Variants in PDE3A observed in about 807,000 individuals in gnomAD.
PDE3A encodes the protein cGMP-inhibited 3',5'-cyclic phosphodiesterase 3A.
Under a neutral mutation model 98.3 loss-of-function variants are expected in PDE3A, and 43 were observed. The ratio of observed to expected loss-of-function variants is 0.44; its 90% confidence interval spans 0.34 to 0.56. The LOEUF is 0.56. Ranked by LOEUF, PDE3A falls within the 20% of genes least tolerant of loss-of-function variation. The pLI, the probability that PDE3A is intolerant of heterozygous loss-of-function variation, is 0.01. For missense variants in PDE3A, 1,427 were observed against 1,440.7 expected, an observed-to-expected ratio of 0.99 and a Z score of 0.15; for synonymous variants, 663 against 567.9, an observed-to-expected ratio of 1.17 and a Z score of -2.38.
Position 20,369,843 on chromosome 12 carries a change from T to C in PDE3A, c.559T>C (p.Ser187Pro), listed in dbSNP as rs538474248. 6.2e-7 allele frequency: 1 copy of C among 1,611,750 alleles called. No homozygotes were observed. Among genetic ancestry groups the C allele is most frequent in the East Asian group, 2.2e-5 (1 of 44,786 alleles). ...GGGCGTCGGGGAGGATCACTTACTC[T>C]CACTCCCCGCCGCGGGGGTGGTGCT... is the stretch of plus-strand genomic sequence containing the variant. Reference protein sequence around the residue: ...GLGVGEDHLLSLPAAGVVLSC... With the variant: ...GLGVGEDHLLPLPAAGVVLSC... Residue 187 changes from serine to proline, a missense_variant, in exon 1 of 16, where the codon TCA (serine) becomes CCA (proline). Transcript: ENST00000359062.
chr12:20,636,971 A>C (rs1225551839), intron 8 of PDE3A, 129 bp from the exon 9 acceptor site: 4 of 564,992 alleles, frequency 7.1e-6, no homozygotes, highest in Middle Eastern at 4.5e-4. Context: ...AGCAAAGATC[A>C]CTTATTCACC....
intron 1 of PDE3A, among the ~76,000 whole-genome samples, chr12:20,510,151 T>C (rs187275202): frequency 2.0e-5 from 3 of 152,092 alleles, no homozygotes; most frequent in Admixed American, 6.6e-5. Flanking sequence ...TATTTTCTTC[T>C]AAATTTTTTC....
chr12:20,620,275 A>G (rs1220559850), intron 4 of PDE3A, among the ~76,000 whole-genome samples: 1 of 152,014 alleles, frequency 6.6e-6, no homozygotes, highest in South Asian at 2.1e-4. Flanking sequence ...TACATTGCCA[A>G]TCTAAGATTG....
chr12:20,474,109 G>A (rs1222724172), intron 1 of PDE3A, among the ~76,000 whole-genome samples: 1 of 152,074 alleles, frequency 6.6e-6, no homozygotes, highest in African/African-American at 2.4e-5. Context: ...CGGCAGGGTG[G>A]GTGAATTCTA....
Position 20,680,062 on chromosome 12 carries a change from T to A in PDE3A, c.3217T>A (p.Cys1073Ser), listed in dbSNP as rs1945737293. ...KKTFKRRKIYCQITQHLLQNH... is the reference protein window; with the variant it reads ...KKTFKRRKIYSQITQHLLQNH... ...GACTTTCAAAAGGAGAAAAATCTACTGCCAAATAACTCAGCACCTCTTACA... is the reference window on the plus strand; with the variant it reads ...GACTTTCAAAAGGAGAAAAATCTACAGCCAAATAACTCAGCACCTCTTACA... The change falls in exon 16 of 16, where the codon TGC becomes AGC. Residue 1073 changes from cysteine (C) to serine (S), a missense_variant. Cys to Ser is a moderately radical substitution (Grantham distance 112, BLOSUM62 -1). Transcript: ENST00000359062. The A allele has an allele frequency of 1.2e-6, 2 of 1,603,958 alleles. No homozygotes were observed. The highest frequency in any genetic ancestry group is 1.1e-5 in the South Asian group (1 of 90,350).
intron 1 of PDE3A, among the ~76,000 whole-genome samples, chr12:20,505,457 G>A (rs1565570926): frequency 6.8e-6 from 1 of 146,894 alleles, no homozygotes; most frequent in East Asian, 2.1e-4. Context: ...CTTTCCATAT[G>A]TGGTACATTT....
At chr12:20,417,215 T>G (rs1944435179) in intron 1 of PDE3A, among the ~76,000 whole-genome samples, 1 of 152,198 alleles carries the variant, frequency 6.6e-6, no homozygotes, top group Non-Finnish European at 1.5e-5. Context: ...CATGCCTTAA[T>G]TTTTAGAACC....
At chr12:20,609,622 G>A (rs1331801350) in intron 2 of PDE3A, among the ~76,000 whole-genome samples, 1 of 151,936 alleles carries the variant, frequency 6.6e-6, no homozygotes, top group East Asian at 1.9e-4. Flanking sequence ...AACGGTTGAA[G>A]GCATTACACT....
At chr12:20,601,828 G>C (rs949849667) in intron 2 of PDE3A, among the ~76,000 whole-genome samples, 2 of 151,478 alleles carry the variant, frequency 1.3e-5, no homozygotes, top group African/African-American at 4.9e-5. Flanking sequence ...AGTAGCACTT[G>C]TTTTAAAAGA....
At chr12:20,602,605 T>C (rs1342849303) in intron 2 of PDE3A, among the ~76,000 whole-genome samples, 2 of 152,152 alleles carry the variant, frequency 1.3e-5, no homozygotes, top group Non-Finnish European at 2.9e-5. Flanking sequence ...GTTTGTTATG[T>C]TTCACATCTC....
At chr12:20,479,135 G>A (rs943316085) in intron 1 of PDE3A, among the ~76,000 whole-genome samples, 1 of 152,166 alleles carries the variant, frequency 6.6e-6, no homozygotes, top group Admixed American at 6.6e-5. Flanking sequence ...AAGAATAATG[G>A]TTGAGTTATG....
chr12:20,532,720 G>A (rs984706637), intron 1 of PDE3A, among the ~76,000 whole-genome samples: 2 of 132,828 alleles, frequency 1.5e-5, no homozygotes, highest in African/African-American at 5.7e-5. Context: ...ACGGAGTCTC[G>A]CTCTGTCACC....
At position 20,369,450 on chromosome 12, in the gene PDE3A, C is replaced by T. The variant is rs1943415310; in HGVS notation, c.166C>T (p.Arg56Trp). The T allele has an allele frequency of 1.3e-6, 2 of 1,555,280 alleles. No individual in the cohort carries two copies. The highest frequency in any genetic ancestry group is 8.7e-7 in the Non-Finnish European group (1 of 1,150,300). Residue 56 changes from arginine to tryptophan, a missense_variant, in exon 1 of 16, where the codon CGG becomes TGG. Physicochemically the swap from Arg to Trp is moderately radical, Grantham distance 101 (BLOSUM62 -3). Transcript: ENST00000359062. The part of the protein sequence containing the change: ...CWGDLVLQPL[R>W]SSRKLSSALC... ...GGGAGACCTGGTGCTGCAGCCGCTC[C>T]GGAGCTCTCGGAAACTTTCCTCCGC...
intron 1 of PDE3A, among the ~76,000 whole-genome samples, chr12:20,424,503 T>G (rs983031898): frequency 1.3e-5 from 2 of 152,222 alleles, no homozygotes; most frequent in Non-Finnish European, 2.9e-5. Context: ...GATTGTATTT[T>G]TATAAAAATT....
At chr12:20,436,047 A>G (rs1347362843) in intron 1 of PDE3A, among the ~76,000 whole-genome samples, 1 of 152,152 alleles carries the variant, frequency 6.6e-6, no homozygotes, top group Non-Finnish European at 1.5e-5. Context: ...CTTGTTACTC[A>G]AAGTAAGACT....
At chr12:20,417,397 G>A (rs939470769) in intron 1 of PDE3A, among the ~76,000 whole-genome samples, 3 of 152,132 alleles carry the variant, frequency 2.0e-5, no homozygotes, top group African/African-American at 7.2e-5. Flanking sequence ...TTAGATACTG[G>A]TATATTAAAG....
chr12:20,429,809 G>T (rs1226600786), intron 1 of PDE3A, among the ~76,000 whole-genome samples: 1 of 151,486 alleles, frequency 6.6e-6, no homozygotes, highest in Non-Finnish European at 1.5e-5. Flanking sequence ...TTCTTATTTT[G>T]TTTCAGATAC....
intron 1 of PDE3A, among the ~76,000 whole-genome samples, chr12:20,543,953 T>A (rs74064982): frequency 0.05 from 7,628 of 151,890 alleles, 316 homozygotes; most frequent in Middle Eastern, 0.14. Context: ...AAAGACATTA[T>A]ATAACTTGTC....
chr12:20,465,514 A>AAGGG (rs781740659), intron 1 of PDE3A, among the ~76,000 whole-genome samples: 51 of 152,180 alleles, frequency 3.4e-4, no homozygotes, highest in Non-Finnish European at 4.9e-4. Flanking sequence ...AGGTTCAAGC[A>AAGGG]ATTCTCCTGC....
Sources: allele counts gnomAD v4.1 joint callset (sites outside exome capture counted in the v4.1 genomes callset), GRCh38; gene constraint gnomAD v4.1.1; transcripts MANE v1.5; gene names NCBI Gene and HGNC (gene_info 2026-07-23, HGNC 2026-07-21).